The following BICC1 variants were observed in gnomAD, a reference collection of about 807,000 sequenced individuals.
The protein encoded by BICC1 is protein bicaudal C homolog 1.
A neutral mutation model predicts 111.0 loss-of-function variants in BICC1; 43 were observed. The observed-to-expected ratio is 0.39, with a 90% CI of 0.30 to 0.50. The LOEUF is 0.50. Among genes scored for constraint, BICC1 ranks in the 20% least tolerant of loss-of-function variants. The probability of loss-of-function intolerance (pLI) is 0.88; values close to 1 mark genes in which losing one functional copy is unlikely to be tolerated. For missense variants in BICC1, 1,091 were observed against 1,203.2 expected, an observed-to-expected ratio of 0.91 and a Z score of 1.38; for synonymous variants, 467 against 434.4, an observed-to-expected ratio of 1.07 and a Z score of -0.93.
intron 2 of BICC1, among the ~76,000 whole-genome samples, chr10:58,657,167 T>C (rs1838683833): frequency 6.6e-6 from 1 of 152,182 alleles, no homozygotes; most frequent in Admixed American, 6.6e-5. Flanking sequence ...CTGGGCGAGA[T>C]GCATTATTCT....
intron 1 of BICC1, among the ~76,000 whole-genome samples, chr10:58,600,851 G>A (rs932137846): frequency 6.6e-6 from 1 of 151,882 alleles, no homozygotes; most frequent in Non-Finnish European, 1.5e-5. Context: ...TATAATACAT[G>A]TAACATAGAA....
intron 2 of BICC1, among the ~76,000 whole-genome samples, chr10:58,697,258 A>G (rs932558289): frequency 6.6e-6 from 1 of 152,198 alleles, no homozygotes; most frequent in Non-Finnish European, 1.5e-5. Flanking sequence ...TTGGGAATTA[A>G]TTGGATTGTG....
intron 1 of BICC1, among the ~76,000 whole-genome samples, chr10:58,528,802 C>T (rs1240597514): frequency 1.3e-5 from 2 of 151,926 alleles, no homozygotes; most frequent in Non-Finnish European, 2.9e-5. Context: ...GCACAGTAAA[C>T]AATACAAACC....
chr10:58,694,252 T>G (rs1001814546), intron 2 of BICC1, among the ~76,000 whole-genome samples: 6 of 152,186 alleles, frequency 3.9e-5, no homozygotes, highest in Non-Finnish European at 2.9e-5. Flanking sequence ...TTTTGTAAAA[T>G]GCCACGTGGT....
chr10:58,537,057 CA>C (rs1312921583), intron 1 of BICC1, among the ~76,000 whole-genome samples: 1 of 148,542 alleles, frequency 6.7e-6, no homozygotes, highest in African/African-American at 2.5e-5. Context: ...ATCAGGTAAA[CA>C]AACAAACAAA....
At chr10:58,670,944 A>G (rs183407301) in intron 2 of BICC1, among the ~76,000 whole-genome samples, 1 of 152,326 alleles carries the variant, frequency 6.6e-6, no homozygotes, top group Non-Finnish European at 1.5e-5. Context: ...CTCACCCCAT[A>G]GAGCAGGCAC....
At chr10:58,569,097 C>G (rs1843862241) in intron 1 of BICC1, among the ~76,000 whole-genome samples, 1 of 152,150 alleles carries the variant, frequency 6.6e-6, no homozygotes, top group African/African-American at 2.4e-5. Context: ...TGAACCTGGA[C>G]AGGTTTGATA....
In BICC1 at chr10:58,829,168, C is replaced by A. The variant is rs1844485649; in HGVS notation, c.*277C>A. ...GGGCTTTATTTCCTGTTTTTATTTA[C>A]CTATATAACATATGCACTGATGATT... is the stretch of plus-strand genomic sequence containing the variant. On this transcript the variant is annotated 3_prime_UTR_variant, in exon 21 of 21. Coordinates refer to ENST00000373886, the MANE Select transcript of BICC1 (RefSeq NM_001080512.3). 1.5e-5 allele frequency: 3 copies of A among 193,902 alleles called. No homozygotes were observed. The highest frequency in any genetic ancestry group is 1.9e-5 in the Non-Finnish European group (2 of 102,594). 12.0% of individuals were successfully genotyped at this position (193,902 alleles called of 1,614,324 possible).
chr10:58,819,379 A>G, intron 19 of BICC1, among the ~76,000 whole-genome samples: 1 of 152,308 alleles, frequency 6.6e-6, no homozygotes, highest in Middle Eastern at 3.4e-3. Flanking sequence ...TATCTTCAAT[A>G]TCATTTAATG....
chr10:58,615,402 G>C (rs1195861466), intron 1 of BICC1, among the ~76,000 whole-genome samples: 2 of 152,106 alleles, frequency 1.3e-5, no homozygotes. Context: ...AGTTTGGAGT[G>C]CAGGCTCCCA....
rs537988001 is a variant in BICC1 at position 58,685,812 on chromosome 10, G to A, written c.238-16262G>A. 9.2e-5 allele frequency among the ~76,000 whole-genome samples: 14 copies of A among 151,882 alleles called. No homozygotes were observed. The South Asian group carries it at 2.7e-3, about 29-fold the overall frequency. The stretch of plus-strand genomic sequence containing the variant: ...TACAGCACACTAATGGCTCTTGACT[G>A]TATCCAATTTGCCAGTCTGTGTCTT... On this transcript the variant is annotated intron_variant, in intron 2 of 20. Coordinates refer to ENST00000373886, the MANE Select transcript of BICC1 (RefSeq NM_001080512.3).
chr10:58,586,282 T>C (rs1455706584), intron 1 of BICC1, among the ~76,000 whole-genome samples: 1 of 152,114 alleles, frequency 6.6e-6, no homozygotes, highest in East Asian at 1.9e-4. Flanking sequence ...GAGGGATTGG[T>C]GGGTCAAAGA....
intron 2 of BICC1, among the ~76,000 whole-genome samples, chr10:58,665,702 T>C (rs1838987335): frequency 6.6e-6 from 1 of 152,192 alleles, no homozygotes; most frequent in Admixed American, 6.5e-5. Flanking sequence ...TGAGACTTTA[T>C]GTGTTTTGAT....
intron 8 of BICC1, 63 bp from the exon 9 acceptor site, chr10:58,793,421 A>C: frequency 6.9e-7 from 1 of 1,441,296 alleles, no homozygotes; most frequent in Non-Finnish European, 9.6e-7. Context: ...GGCATGTTAA[A>C]TTATCAGGTG....
intron 2 of BICC1, among the ~76,000 whole-genome samples, chr10:58,655,902 G>A (rs1838628168): frequency 6.6e-6 from 1 of 152,026 alleles, no homozygotes; most frequent in African/African-American, 2.4e-5. Flanking sequence ...AAGGGTTGTT[G>A]AAAGGAGCTG....
intron 2 of BICC1, among the ~76,000 whole-genome samples, chr10:58,681,678 CTGA>C (rs1201150769): frequency 2.6e-5 from 4 of 152,140 alleles, no homozygotes; most frequent in South Asian, 4.1e-4. Context: ...CTTGGTCTCA[CTGA>C]CTTCAAGAAC....
chr10:58,620,313 C>T (rs947926573), intron 1 of BICC1, among the ~76,000 whole-genome samples: 2 of 152,000 alleles, frequency 1.3e-5, no homozygotes, highest in African/African-American at 2.4e-5. Flanking sequence ...TGGCTGTGAC[C>T]GTCACCATTA....
chr10:58,724,379 CTGTGTGTGTGTGTATATGTGTGTATGTG>C (rs1262944376), intron 3 of BICC1, among the ~76,000 whole-genome samples: 13 of 151,484 alleles, frequency 8.6e-5, no homozygotes, highest in Non-Finnish European at 1.8e-4. Flanking sequence ...AACTCTGTGT[CTGTGTGTGTGTGTATATGTGTGTATGTG>C]TGTGTGTGTG....
chr10:58,735,456 A>G (rs1841438444), intron 3 of BICC1, among the ~76,000 whole-genome samples: 1 of 152,172 alleles, frequency 6.6e-6, no homozygotes, highest in Non-Finnish European at 1.5e-5. Context: ...ATTTATAACC[A>G]TCTGATGAGG....
Sources: gnomAD v4.1 joint callset for allele counts (sites outside exome capture counted in the v4.1 genomes callset) on GRCh38, gnomAD v4.1.1 for gene constraint, MANE v1.5 for transcripts, NCBI Gene and HGNC (gene_info 2026-07-23, HGNC 2026-07-21) for gene names.